The following TMTC1 variants were observed in gnomAD, a reference collection of about 807,000 sequenced individuals.
The protein encoded by TMTC1 is protein O-mannosyl-transferase TMTC1.
Under a neutral mutation model 104.8 loss-of-function variants are expected in TMTC1, and 73 were observed. That is an observed-to-expected ratio of 0.70 (90% CI 0.58 to 0.85). The LOEUF (loss-of-function observed/expected upper bound fraction) is 0.85, where lower values mean the gene tolerates loss of function less well. TMTC1 is among the 40% of genes least tolerant of loss of function. TMTC1 has a pLI of 0.00. For missense variants in TMTC1, 1,035 were observed against 1,096.1 expected (o/e 0.94, Z 0.79); for synonymous variants, 434 against 428.7 (o/e 1.01, Z -0.15).
At chr12:29,752,143 A>ACG (rs904489404) in intron 4 of TMTC1, among the ~76,000 whole-genome samples, 10 of 151,750 alleles carry the variant, frequency 6.6e-5, no homozygotes, top group African/African-American at 2.4e-4. Flanking sequence ...ACACACACAC[A>ACG]CACACACTCA....
chr12:29,568,360 CA>C (rs200007748), intron 9 of TMTC1, among the ~76,000 whole-genome samples: 1 of 151,824 alleles, frequency 6.6e-6, no homozygotes, highest in African/African-American at 2.4e-5. Flanking sequence ...GAAAGAAGTT[CA>C]AAAAAATCAC....
intron 7 of TMTC1, among the ~76,000 whole-genome samples, chr12:29,587,965 A>C (rs1592278358): frequency 6.6e-6 from 1 of 152,194 alleles, no homozygotes; most frequent in Non-Finnish European, 1.5e-5. Flanking sequence ...CTGTATCAAG[A>C]GCAGAAAAAC....
chr12:29,672,774 T>C (rs568270511), intron 5 of TMTC1, among the ~76,000 whole-genome samples: 1 of 152,304 alleles, frequency 6.6e-6, no homozygotes, highest in South Asian at 2.1e-4. Flanking sequence ...ATCCTGGGCT[T>C]TTCTGCAGAC....
chr12:29,706,859 G>A (rs1027254473), intron 5 of TMTC1, among the ~76,000 whole-genome samples: 6 of 152,088 alleles, frequency 3.9e-5, no homozygotes, highest in African/African-American at 7.2e-5. Context: ...TGGGGGCAGC[G>A]GTGGGTAAAG....
At chr12:29,636,889 TAA>T (rs77211591) in intron 5 of TMTC1, among the ~76,000 whole-genome samples, 79 of 128,652 alleles carry the variant, frequency 6.1e-4, no homozygotes, top group African/African-American at 2.2e-3. Flanking sequence ...TACAAAAAAT[TAA>T]AAAAAAAAAA....
intron 7 of TMTC1, among the ~76,000 whole-genome samples, chr12:29,597,233 CT>C (rs200593152): frequency 7.5e-4 from 99 of 131,368 alleles, no homozygotes; most frequent in African/African-American, 3.3e-3. Context: ...TTCTTTCTTT[CT>C]TTTCTTTCTT....
chr12:29,775,660 CAG>C (rs1159473669), intron 1 of TMTC1, among the ~76,000 whole-genome samples: 1 of 152,106 alleles, frequency 6.6e-6, no homozygotes, highest in Non-Finnish European at 1.5e-5. Context: ...CTTCAGTGTC[CAG>C]AGTTTTTATT....
Position 29,505,951 on chromosome 12 carries a change from G to A in TMTC1, c.*895C>T, listed in dbSNP as rs1943685218. ...AAAAATAATAAATCTCATGATGTCT[G>A]AACATTAAGATAATAAAGTAGGACA... On this transcript the variant is annotated 3_prime_UTR_variant, in exon 18 of 18. Transcript: ENST00000539277. 1 of 152,014 alleles carries A rather than the reference G, an allele frequency of 6.6e-6. No homozygotes were observed. Among genetic ancestry groups the A allele is most frequent in the Admixed American group, 6.6e-5 (1 of 15,264 alleles). 9.4% of individuals were successfully genotyped at this position (152,014 alleles called of 1,614,324 possible). A position where few individuals can be genotyped will look rare whatever the true frequency, so the allele number is the denominator to read the frequency against.
chr12:29,755,935 C>A, intron 3 of TMTC1, 50 bp from the exon 4 acceptor site: 1 of 1,561,404 alleles, frequency 6.4e-7, no homozygotes, highest in Non-Finnish European at 8.7e-7. Context: ...ATATGGTCTG[C>A]TAAGAAATGC....
chr12:29,607,582 G>C (rs1946735797), intron 6 of TMTC1, among the ~76,000 whole-genome samples: 1 of 152,148 alleles, frequency 6.6e-6, no homozygotes, highest in Non-Finnish European at 1.5e-5. Flanking sequence ...TCAGCAAGTG[G>C]ATAATGAGCG....
chr12:29,646,669 G>A (rs75834117), intron 5 of TMTC1, among the ~76,000 whole-genome samples: 6,290 of 152,150 alleles, frequency 0.041, 171 homozygotes, highest in Admixed American at 0.066. Flanking sequence ...TTCTGGTTTG[G>A]AAAACTACGC....
In TMTC1 at chr12:29,592,325, A is replaced by G. The variant is rs560134448; in HGVS notation, c.1251-8751T>C. Among the ~76,000 whole-genome samples the G allele has an allele frequency of 5.1e-4, 77 of 152,336 alleles. 1 individual carries two copies. The highest frequency in any genetic ancestry group is 4.4e-3 in the Admixed American group (68 of 15,308). On this transcript the variant is annotated intron_variant, in intron 7 of 17. Transcript: ENST00000539277. ...ATGGTTGGAGAAATTTTCCAGAAGA[A>G]TGAATATATTTGGAAGTGAGAGTTT...
intron 5 of TMTC1, among the ~76,000 whole-genome samples, chr12:29,676,645 C>T (rs568324058): frequency 2.7e-3 from 412 of 152,302 alleles, no homozygotes; most frequent in Non-Finnish European, 4.4e-3. Flanking sequence ...CCTCCAGGAG[C>T]GATGCACTGG....
At position 29,694,536 on chromosome 12, in the gene TMTC1, T is replaced by A. The variant is rs531280045; in HGVS notation, c.938+57130A>T. On this transcript the variant is annotated intron_variant, in intron 5 of 17. Coordinates refer to ENST00000539277, the MANE Select transcript of TMTC1 (RefSeq NM_001193451.2). ...TTAAATTTTGTGTTATCTTTTAATT[T>A]TTTTTTTTCAAATATTGTCAATCTG... 2.0e-5 allele frequency among the ~76,000 whole-genome samples: 3 copies of A among 152,256 alleles called. No homozygotes were observed. In the East Asian group the frequency reaches 5.8e-4, roughly 29 times the overall value.
chr12:29,751,148 TA>T (rs1943080645), intron 5 of TMTC1, among the ~76,000 whole-genome samples: 1 of 152,190 alleles, frequency 6.6e-6, no homozygotes, highest in African/African-American at 2.4e-5. Context: ...CCTGTGCTGA[TA>T]AATCCATGCT....
intron 5 of TMTC1, among the ~76,000 whole-genome samples, chr12:29,684,681 G>A (rs1484168951): frequency 6.6e-6 from 1 of 152,134 alleles, no homozygotes; most frequent in African/African-American, 2.4e-5. Context: ...TCTAGACTCA[G>A]AACTGGATGT....
chr12:29,736,770 G>A lies in TMTC1; in HGVS notation c.938+14896C>T, dbSNP rs373775704. Among the ~76,000 whole-genome samples the A allele has an allele frequency of 1.1e-4, 17 of 152,298 alleles. No homozygotes were observed. The East Asian group carries it at 1.2e-3, about 10-fold the overall frequency. On this transcript the variant is annotated intron_variant, in intron 5 of 17. Coordinates refer to ENST00000539277, the MANE Select transcript of TMTC1 (RefSeq NM_001193451.2). ...TAAAAAGCTAGTGACTCACTAGTGC[G>A]CCACCATGACTACGTGCAACACTGT... is the stretch of plus-strand genomic sequence containing the variant.
At chr12:29,560,158 G>C (rs1172256361) in intron 9 of TMTC1, among the ~76,000 whole-genome samples, 1 of 152,146 alleles carries the variant, frequency 6.6e-6, no homozygotes, top group Non-Finnish European at 1.5e-5. Context: ...AGTCCATCTT[G>C]ACTTTGCCTT....
At chr12:29,731,157 T>A (rs1186603873) in intron 5 of TMTC1, among the ~76,000 whole-genome samples, 1 of 152,128 alleles carries the variant, frequency 6.6e-6, no homozygotes, top group Non-Finnish European at 1.5e-5. Context: ...AATCTAAAAG[T>A]CTAGCAAAGT....
Sources: allele counts gnomAD v4.1 joint callset (sites outside exome capture counted in the v4.1 genomes callset), GRCh38; gene constraint gnomAD v4.1.1; transcripts MANE v1.5; gene names NCBI Gene and HGNC (gene_info 2026-07-23, HGNC 2026-07-21).